Variants in MAPK6 observed in about 807,000 individuals in gnomAD.
MAPK6 encodes mitogen-activated protein kinase 6.
MAPK6 carries 19 observed loss-of-function variants against 59.3 expected under a neutral mutation model. The observed-to-expected ratio is 0.32, with a 90% CI of 0.22 to 0.47. The LOEUF (loss-of-function observed/expected upper bound fraction) is 0.47, where lower values mean the gene tolerates loss of function less well. Ranked by LOEUF, MAPK6 falls within the 20% of genes least tolerant of loss-of-function variation. The pLI, the probability that MAPK6 is intolerant of heterozygous loss-of-function variation, is 1.00. For missense variants in MAPK6, 724 were observed against 847.9 expected (o/e 0.85, Z 1.81); for synonymous variants, 316 against 290.3 (o/e 1.09, Z -0.90).
At chr15:52,039,509 CTTTTTT>C (rs11341546) in intron 1 of MAPK6, among the ~76,000 whole-genome samples, 49 of 85,832 alleles carry the variant, frequency 5.7e-4, no homozygotes, top group East Asian at 1.9e-3. Context: ...AGTGTTTTGT[CTTTTTT>C]TTTTTTTTTT....
chr15:52,048,358 C>T (rs2031663480), intron 2 of MAPK6, among the ~76,000 whole-genome samples: 1 of 152,140 alleles, frequency 6.6e-6, no homozygotes, highest in Non-Finnish European at 1.5e-5. Context: ...GTGGCTCACA[C>T]CTGTAATCTC....
chr15:52,023,106 C>CAAAA (rs60315520), intron 1 of MAPK6, among the ~76,000 whole-genome samples: 15 of 73,570 alleles, frequency 2.0e-4, no homozygotes, highest in Admixed American at 4.0e-4. Flanking sequence ...GACTCCGTCT[C>CAAAA]AAAAAAAAAA....
intron 1 of MAPK6, among the ~76,000 whole-genome samples, chr15:52,030,656 C>T (rs1325324834): frequency 9.4e-6 from 1 of 106,672 alleles, no homozygotes. Flanking sequence ...CAGAGTCTCA[C>T]TCTGTTGCCC....
rs1043704165 is a variant in MAPK6, at chr15:52,066,792, G to GTGTGTGTGTGTGTGTA, written c.*1793_*1794insGTGTGTGTGTGTGTAT. On this transcript the variant is annotated 3_prime_UTR_variant, in exon 6 of 6. Coordinates refer to ENST00000261845, the MANE Select transcript of MAPK6 (RefSeq NM_002748.4). ...TGTGTGTGTGTGTGTGTGTGTGTGT[G>GTGTGTGTGTGTGTGTA]TATATATATTCATTTATTTATTTTC... 4.2e-5 allele frequency: 6 copies of GTGTGTGTGTGTGTGTA among 144,168 alleles called. No individual in the cohort carries two copies. Among genetic ancestry groups the GTGTGTGTGTGTGTGTA allele is most frequent in the Admixed American group, 2.1e-4 (3 of 14,054 alleles). 8.9% of individuals were successfully genotyped at this position (144,168 alleles called of 1,614,324 possible).
rs192794623 is a variant in MAPK6, at chr15:52,050,154, G to A, written c.700+17G>A. On this transcript the variant is annotated intron_variant, in intron 3 of 5. Coordinates refer to ENST00000261845, the MANE Select transcript of MAPK6 (RefSeq NM_002748.4). ...TTTTTGCAGGTTAGTATTTTGTGGG[G>A]GGAAAAATTTTCCCAAAGAGAAGTA... 3 of 1,582,516 alleles carry A rather than the reference G, an allele frequency of 1.9e-6. No homozygotes were observed. The highest frequency in any genetic ancestry group is 4.5e-5 in the East Asian group (2 of 44,232).
intron 3 of MAPK6, among the ~76,000 whole-genome samples, chr15:52,008,400 A>G (rs934247613): frequency 7.2e-5 from 11 of 152,078 alleles, no homozygotes; most frequent in African/African-American, 2.7e-4. Flanking sequence ...CAGGACCCCC[A>G]CTTACTCAGC....
intron 3 of MAPK6, 55 bp from the exon 4 acceptor site, chr15:52,058,578 T>A (rs2032072878): frequency 7.7e-6 from 11 of 1,427,262 alleles, no homozygotes; most frequent in Admixed American, 2.3e-5. Context: ...GTATGTTTAT[T>A]GTGAAATAAG....
intron 1 of MAPK6, among the ~76,000 whole-genome samples, chr15:51,976,412 G>C (rs1384952954): frequency 1.3e-5 from 2 of 151,674 alleles, no homozygotes; most frequent in African/African-American, 4.8e-5. Flanking sequence ...GTGACCAGAG[G>C]GAACGCAGTT....
At chr15:52,021,132 TA>T (rs879487311) in intron 1 of MAPK6, among the ~76,000 whole-genome samples, 2 of 152,234 alleles carry the variant, frequency 1.3e-5, no homozygotes, top group Non-Finnish European at 2.9e-5. Context: ...AATTTTGTAA[TA>T]AAAAAATGCA....
At chr15:51,974,497 A>AT (rs2057151474) in intron 1 of MAPK6, among the ~76,000 whole-genome samples, 1 of 150,420 alleles carries the variant, frequency 6.6e-6, no homozygotes, top group Admixed American at 6.6e-5. Context: ...TACTAAAAAT[A>AT]TTTAAAAAAA....
At chr15:52,059,680 T>C (rs2032120772) in intron 4 of MAPK6, among the ~76,000 whole-genome samples, 1 of 152,232 alleles carries the variant, frequency 6.6e-6, no homozygotes. Flanking sequence ...GTGGGGACCA[T>C]GTTTTAATCT....
rs1372178629 is a variant in MAPK6, at chr15:52,065,704, TA to T, written c.*710del. 6.6e-6 allele frequency: 1 copy of T among 151,358 alleles called. No individual in the cohort carries two copies. Among genetic ancestry groups the T allele is most frequent in the Non-Finnish European group, 1.5e-5 (1 of 67,784 alleles). The allele number at this position is 151,358 out of a possible 1,614,324, so 9.4% of individuals were successfully genotyped here. A position where few individuals can be genotyped will look rare whatever the true frequency, so the allele number is the denominator to read the frequency against. ...TCAGTATATTTTCTGTATTTAATTA[TA>T]AAAAATTAACTTAGTTTTTAAAATT... On this transcript the variant is annotated 3_prime_UTR_variant, in exon 6 of 6. Transcript: ENST00000261845.
chr15:52,030,405 A>T (rs561522605), intron 1 of MAPK6, among the ~76,000 whole-genome samples: 55 of 152,204 alleles, frequency 3.6e-4, no homozygotes, highest in African/African-American at 1.3e-3. Flanking sequence ...AAAATGTTTG[A>T]TTCCTTTAAA....
In MAPK6 at chr15:52,066,458, G is replaced by A. The variant is rs562768545; in HGVS notation, c.*1458G>A. ...TCAAAACTGTTAGGTAAAATGTGTA[G>A]TTGAAACTTTGAACTGTGCAGTCAG... is the stretch of plus-strand genomic sequence containing the variant. On this transcript the variant is annotated 3_prime_UTR_variant, in exon 6 of 6. Coordinates refer to ENST00000261845, the MANE Select transcript of MAPK6 (RefSeq NM_002748.4). 4 of 152,328 alleles carry A rather than the reference G, an allele frequency of 2.6e-5. No homozygotes were observed. Among genetic ancestry groups the A allele is most frequent in the South Asian group, 2.1e-4 (1 of 4,832 alleles). 9.4% of individuals were successfully genotyped at this position (152,328 alleles called of 1,614,324 possible).
rs184227020 is a variant in MAPK6 at position 52,026,184 on chromosome 15, C to T, written c.-632+6808C>T. 2.6e-5 allele frequency among the ~76,000 whole-genome samples: 4 copies of T among 152,316 alleles called. No individual in the cohort carries two copies. In the East Asian group the frequency reaches 7.7e-4, roughly 29 times the overall value. On this transcript the variant is annotated intron_variant, in intron 1 of 5. Transcript: ENST00000261845. Reference sequence around the variant, plus strand: ...GGATAGTTTTTGCCTCTGGCCTAGTCCCTCTAGGCTTGTTGGCACTTGTTG... The same window carrying T: ...GGATAGTTTTTGCCTCTGGCCTAGTTCCTCTAGGCTTGTTGGCACTTGTTG...
At chr15:52,050,192 A>G (rs533855923) in intron 3 of MAPK6, 55 bp downstream of exon 3, 1 of 1,440,038 alleles carries the variant, frequency 6.9e-7, no homozygotes, top group Non-Finnish European at 9.5e-7. Flanking sequence ...TTTGCATTTT[A>G]TCTCTGAAGC....
intron 5 of MAPK6, among the ~76,000 whole-genome samples, chr15:52,062,022 G>C (rs1235109484): frequency 6.6e-6 from 1 of 150,540 alleles, no homozygotes; most frequent in African/African-American, 2.5e-5. Flanking sequence ...CTCAGTGGTA[G>C]TTATATCTTA....
At chr15:52,062,525 G>A (rs1023301736) in intron 5 of MAPK6, among the ~76,000 whole-genome samples, 5 of 152,072 alleles carry the variant, frequency 3.3e-5, no homozygotes, top group African/African-American at 9.7e-5. Flanking sequence ...AGCACTTTGC[G>A]AGGCTGAGGC....
Position 52,064,297 on chromosome 15 carries a change from A to G in MAPK6, c.1463A>G (p.Asp488Gly), listed in dbSNP as rs375012210. 2 of 1,610,230 alleles carry G rather than the reference A, an allele frequency of 1.2e-6. No individual in the cohort carries two copies. The highest frequency in any genetic ancestry group is 1.7e-5 in the Admixed American group (1 of 59,728). The stretch of plus-strand genomic sequence containing the variant: ...AAAGAACAAAGCAAAGAAAAATCTG[A>G]TAAGAAAGGCAAATCAAAATGTGAA... Reference protein sequence around the residue: ...NWKEQSKEKSDKKGKSKCERN... With the variant: ...NWKEQSKEKSGKKGKSKCERN... The change falls in exon 6 of 6, where the codon GAT becomes GGT. Residue 488 changes from aspartate to glycine, a missense_variant. Asp to Gly is a moderately conservative substitution (Grantham distance 94). This residue lies in a region of MAPK6 where 502 missense variants were observed against 507.6 expected (regional missense o/e 0.99). Coordinates refer to ENST00000261845, the MANE Select transcript of MAPK6 (RefSeq NM_002748.4).
Sources: allele counts gnomAD v4.1 joint callset (sites outside exome capture counted in the v4.1 genomes callset), GRCh38; gene constraint gnomAD v4.1.1; regional missense constraint gnomAD v4.1.1; transcripts MANE v1.5; gene names NCBI Gene and HGNC (gene_info 2026-07-23, HGNC 2026-07-21).